Variants in CYP51A1 observed in about 807,000 individuals in gnomAD.
CYP51A1 encodes the protein cytochrome P450 family 51 subfamily A member 1.
A neutral mutation model predicts 53.5 loss-of-function variants in CYP51A1; 45 were observed. That is an observed-to-expected ratio of 0.84 (90% CI 0.66 to 1.08). The LOEUF is 1.08. Among genes scored for constraint, CYP51A1 ranks in the 50% least tolerant of loss-of-function variants. CYP51A1 has a pLI of 0.00. For missense variants in CYP51A1, 462 were observed against 621.7 expected (o/e 0.74, Z 2.73); for synonymous variants, 181 against 217.7 (o/e 0.83, Z 1.48).
rs1001067097 is a variant in CYP51A1, at chr7:92,127,752, C to T, written c.469-121G>A. On this transcript the variant is annotated intron_variant, in intron 3 of 9. Coordinates refer to ENST00000003100, the MANE Select transcript of CYP51A1 (RefSeq NM_000786.4). ...CAAGTAATGGTTTTAACCCTTTGGG[C>T]ATTTACATTTTAAGAGTCTAAATGA... is the stretch of plus-strand genomic sequence containing the variant. 6.1e-6 allele frequency: 6 copies of T among 980,132 alleles called. No individual in the cohort carries two copies. The Admixed American group carries it at 1.4e-4, about 23-fold the overall frequency. The allele number at this position is 980,132 out of a possible 1,614,324, so 60.7% of individuals were successfully genotyped here. A position where few individuals can be genotyped will look rare whatever the true frequency, so the allele number is the denominator to read the frequency against.
intron 3 of CYP51A1, among the ~76,000 whole-genome samples, 175 bp from the exon 4 acceptor site, chr7:92,127,806 A>G (rs1819831945): frequency 6.6e-6 from 1 of 152,190 alleles, no homozygotes; most frequent in African/African-American, 2.4e-5. Context: ...AAATGAATAG[A>G]GTCTAAATGA....
intron 2 of CYP51A1, among the ~76,000 whole-genome samples, chr7:92,130,002 G>A (rs1819885898): frequency 6.6e-6 from 1 of 152,126 alleles, no homozygotes; most frequent in African/African-American, 2.4e-5. Context: ...TTTTTAAACG[G>A]GTGACAAGAA....
intron 4 of CYP51A1, among the ~76,000 whole-genome samples, chr7:92,127,078 T>C (rs61706818): frequency 0.014 from 2,190 of 152,372 alleles, 45 homozygotes; most frequent in African/African-American, 0.049. Context: ...GCTGTAATTA[T>C]ATGTCTCACA....
At position 92,113,620 on chromosome 7, in the gene CYP51A1, T is replaced by C; in HGVS notation, c.*45A>G. ...ACTTCATTCTCTTCGAATGCCTTTG[T>C]GGCTTACAGTGATAATCACATATAT... On this transcript the variant is annotated 3_prime_UTR_variant, in exon 10 of 10. Coordinates refer to ENST00000003100, the MANE Select transcript of CYP51A1 (RefSeq NM_000786.4). 1 of 1,558,318 alleles carries C rather than the reference T, an allele frequency of 6.4e-7. No homozygotes were observed. The highest frequency in any genetic ancestry group is 8.8e-7 in the Non-Finnish European group (1 of 1,138,540).
chr7:92,120,090 C>T (rs1005993697), intron 7 of CYP51A1, among the ~76,000 whole-genome samples: 8 of 151,978 alleles, frequency 5.3e-5, no homozygotes, highest in African/African-American at 1.9e-4. Flanking sequence ...ACATTGTGCA[C>T]CAAAAACTAT....
At chr7:92,118,130 T>C (rs1380876651) in intron 8 of CYP51A1, among the ~76,000 whole-genome samples, 4 of 152,108 alleles carry the variant, frequency 2.6e-5, no homozygotes, top group African/African-American at 9.7e-5. Flanking sequence ...GCTACTCTAC[T>C]TCCTCTTTTC....
intron 9 of CYP51A1, 146 bp from the exon 10 acceptor site, chr7:92,113,989 T>A: frequency 1.8e-6 from 1 of 566,406 alleles, no homozygotes; most frequent in Non-Finnish European, 3.0e-6. Context: ...TAAAACAACA[T>A]GAATTATTAA....
At chr7:92,134,013 C>G (rs1030502091) in intron 1 of CYP51A1, among the ~76,000 whole-genome samples, 160 bp downstream of exon 1, 1 of 151,800 alleles carries the variant, frequency 6.6e-6, no homozygotes, top group Non-Finnish European at 1.5e-5. Flanking sequence ...TACTCCAGCC[C>G]CCAGCGCGCC....
rs765891268 is a variant in CYP51A1, at chr7:92,134,339, A to G, written c.26T>C (p.Leu9Pro). MAAAAGML[L>P]LGLLQAGGSV... The stretch of plus-strand genomic sequence containing the variant: ...CCCACCCGCCTGCAGCAAGCCCAGC[A>G]GCAGCATCCCAGCCGCCGCCGCCAT... The change falls in exon 1 of 10, where the codon CTG becomes CCG. Residue 9 changes from leucine to proline, a missense_variant. Physicochemically the swap from Leu to Pro is moderately conservative, Grantham distance 98. Transcript: ENST00000003100. 2 of 1,592,100 alleles carry G rather than the reference A, an allele frequency of 1.3e-6. No homozygotes were observed. Among genetic ancestry groups the G allele is most frequent in the Non-Finnish European group, 1.7e-6 (2 of 1,166,130 alleles).
In CYP51A1 at chr7:92,133,733, G is replaced by A. The variant is rs548039218; in HGVS notation, c.192+440C>T. Among the ~76,000 whole-genome samples, 12 of 152,216 alleles carry A rather than the reference G, an allele frequency of 7.9e-5. No individual in the cohort carries two copies. The East Asian group carries it at 2.3e-3, about 30-fold the overall frequency. On this transcript the variant is annotated intron_variant, in intron 1 of 9. Coordinates refer to ENST00000003100, the MANE Select transcript of CYP51A1 (RefSeq NM_000786.4). ...ACACAGGGCAGCCTCCAGGATGACG[G>A]GCCAGCTGCCAACAGCATCTCCGTC...
intron 3 of CYP51A1, among the ~76,000 whole-genome samples, chr7:92,128,461 T>TGTGTGTGTGC (rs1563181258): frequency 3.0e-4 from 41 of 137,462 alleles, no homozygotes; most frequent in African/African-American, 2.9e-4. Context: ...TGTGTGCGCG[T>TGTGTGTGTGC]GCGTGTGTGT....
At chr7:92,131,193 G>A (rs1314056558) in intron 2 of CYP51A1, among the ~76,000 whole-genome samples, 1 of 152,186 alleles carries the variant, frequency 6.6e-6, no homozygotes, top group Non-Finnish European at 1.5e-5. Context: ...TTAAGGAGTT[G>A]CACAAGCAAA....
intron 1 of CYP51A1, among the ~76,000 whole-genome samples, chr7:92,132,811 A>G (rs2282976): frequency 0.12 from 17,639 of 152,220 alleles, 1,161 homozygotes; most frequent in East Asian, 0.37. Flanking sequence ...ATTCTTCATA[A>G]AAGTTTCTTT....
chr7:92,113,409 C>T lies in CYP51A1; in HGVS notation c.*256G>A, dbSNP rs1819508641. The T allele has an allele frequency of 1.0e-5, 4 of 390,622 alleles. No homozygotes were observed. Among genetic ancestry groups the T allele is most frequent in the Non-Finnish European group, 1.4e-5 (3 of 220,328 alleles). 24.2% of individuals were successfully genotyped at this position (390,622 alleles called of 1,614,324 possible). Reference sequence around the variant, plus strand: ...TAGAATCTGCCAATTACCTAGATCCCCCCTCAACAATTGTTTCACCAAGGA... The same window carrying T: ...TAGAATCTGCCAATTACCTAGATCCTCCCTCAACAATTGTTTCACCAAGGA... On this transcript the variant is annotated 3_prime_UTR_variant, in exon 10 of 10. Transcript: ENST00000003100.
chr7:92,133,964 A>T (rs1369701234), intron 1 of CYP51A1, among the ~76,000 whole-genome samples: 1 of 152,152 alleles, frequency 6.6e-6, no homozygotes, highest in Non-Finnish European at 1.5e-5. Context: ...CGGGTGCTAC[A>T]GCCAGCGCCA....
At chr7:92,120,132 A>C (rs1330559780) in intron 7 of CYP51A1, among the ~76,000 whole-genome samples, 1 of 152,232 alleles carries the variant, frequency 6.6e-6, no homozygotes, top group African/African-American at 2.4e-5. Context: ...AAAGAACTAA[A>C]ATAAGAGAAA....
At chr7:92,132,537 T>C (rs772152534) in intron 1 of CYP51A1, among the ~76,000 whole-genome samples, 1 of 152,226 alleles carries the variant, frequency 6.6e-6, no homozygotes, top group African/African-American at 2.4e-5. Flanking sequence ...AATGTGGAAT[T>C]CGTGTCCCCA....
At chr7:92,114,973 A>G (rs1819555118) in intron 9 of CYP51A1, among the ~76,000 whole-genome samples, 1 of 152,214 alleles carries the variant, frequency 6.6e-6, no homozygotes. Flanking sequence ...AGCATTTACA[A>G]ATTGGTCCAT....
intron 2 of CYP51A1, among the ~76,000 whole-genome samples, 169 bp from the exon 3 acceptor site, chr7:92,129,225 T>A (rs1819870755): frequency 1.3e-5 from 2 of 152,244 alleles, no homozygotes; most frequent in Non-Finnish European, 2.9e-5. Flanking sequence ...TCCAAATTTA[T>A]AATTATGTTC....
Sources: allele counts gnomAD v4.1 joint callset (sites outside exome capture counted in the v4.1 genomes callset), GRCh38; gene constraint gnomAD v4.1.1; transcripts MANE v1.5; gene names NCBI Gene and HGNC (gene_info 2026-07-23, HGNC 2026-07-21).